The following HMGA2 variants were observed in gnomAD, a reference collection of about 807,000 sequenced individuals.
HMGA2 encodes high mobility group AT-hook 2, also known as high mobility group protein HMGI-C.
Under a neutral mutation model 19.1 loss-of-function variants are expected in HMGA2, and 8 were observed. The observed-to-expected ratio is 0.42, with a 90% CI of 0.25 to 0.76. The LOEUF (loss-of-function observed/expected upper bound fraction) is 0.76. Among genes scored for constraint, HMGA2 ranks in the 30% least tolerant of loss-of-function variants. HMGA2 has a pLI of 0.28. For synonymous variants in HMGA2, 60 were observed against 48.8 expected (o/e 1.23, Z -0.96); for missense variants, 109 against 136.3 (o/e 0.80, Z 1.00).
chr12:65,963,498 C>A lies in HMGA2; in HGVS notation c.*206C>A, dbSNP rs897527374. 3.4e-6 allele frequency: 2 copies of A among 588,856 alleles called. No homozygotes were observed. Among genetic ancestry groups the A allele is most frequent in the African/African-American group, 3.7e-5 (2 of 53,556 alleles). 36.5% of individuals were successfully genotyped at this position (588,856 alleles called of 1,614,324 possible). A position where few individuals can be genotyped will look rare whatever the true frequency, so the allele number is the denominator to read the frequency against. On this transcript the variant is annotated 3_prime_UTR_variant, in exon 5 of 5. Transcript: ENST00000403681. Reference sequence around the variant, plus strand: ...ATATTAATCACCTTCTTTGTAATCCCTTCACAGTCCCAGGTTTAGTGAAAA... The same window carrying A: ...ATATTAATCACCTTCTTTGTAATCCATTCACAGTCCCAGGTTTAGTGAAAA...
At chr12:65,839,612 A>G (rs1870905912) in intron 3 of HMGA2, among the ~76,000 whole-genome samples, 1 of 152,062 alleles carries the variant, frequency 6.6e-6, no homozygotes, top group Admixed American at 6.6e-5. Context: ...CCTCTGCTCA[A>G]CATGTGTTGG....
At chr12:65,869,147 C>T (rs1408995768) in intron 3 of HMGA2, among the ~76,000 whole-genome samples, 1 of 152,064 alleles carries the variant, frequency 6.6e-6, no homozygotes, top group Admixed American at 6.6e-5. Context: ...CTCATTGATT[C>T]CTTTTTTTGG....
chr12:65,950,872 T>G (rs1592464857), intron 3 of HMGA2, among the ~76,000 whole-genome samples: 2 of 152,354 alleles, frequency 1.3e-5, no homozygotes, highest in East Asian at 3.9e-4. Context: ...GGAATTGGAA[T>G]TGTTTTCACT....
intron 3 of HMGA2, among the ~76,000 whole-genome samples, chr12:65,939,064 A>G (rs1279574581): frequency 1.3e-5 from 2 of 152,206 alleles, no homozygotes; most frequent in Admixed American, 6.5e-5. Flanking sequence ...GACTTCTTCC[A>G]GGCAATGAGA....
intron 3 of HMGA2, among the ~76,000 whole-genome samples, chr12:65,922,055 C>CTG (rs1445984015): frequency 6.6e-6 from 1 of 152,216 alleles, no homozygotes; most frequent in Non-Finnish European, 1.5e-5. Context: ...CAGAAGTTTG[C>CTG]TGCAGGGGAA....
intron 3 of HMGA2, among the ~76,000 whole-genome samples, chr12:65,915,771 A>T (rs1875076942): frequency 6.6e-6 from 1 of 152,218 alleles, no homozygotes; most frequent in South Asian, 2.1e-4. Flanking sequence ...AATTTTGGAC[A>T]TTTGGGTATT....
At chr12:65,899,082 A>G (rs562037021) in intron 3 of HMGA2, among the ~76,000 whole-genome samples, 1 of 150,180 alleles carries the variant, frequency 6.7e-6, no homozygotes, top group Admixed American at 6.6e-5. Context: ...AGATGAGGAA[A>G]CTGGGGCTTA....
intron 3 of HMGA2, chr12:65,842,295 G>A: frequency 1.7e-6 from 1 of 589,528 alleles, no homozygotes; most frequent in South Asian, 1.5e-5. Flanking sequence ...ATGAGATAAT[G>A]CATGCAAAGG....
intron 4 of HMGA2, among the ~76,000 whole-genome samples, chr12:65,961,838 G>A (rs1214178597): frequency 6.6e-6 from 1 of 151,770 alleles, no homozygotes; most frequent in Non-Finnish European, 1.5e-5. Flanking sequence ...CTGCTTTTAC[G>A]CAAAAGCATC....
intron 3 of HMGA2, chr12:65,881,331 C>G (rs1040282559): frequency 3.2e-5 from 6 of 189,380 alleles, no homozygotes; most frequent in Non-Finnish European, 6.7e-5. Context: ...TTTGACAGCT[C>G]GGCTGTTTGT....
At chr12:65,845,944 C>G (rs76037682) in intron 3 of HMGA2, among the ~76,000 whole-genome samples, 1,802 of 152,334 alleles carry the variant, frequency 0.012, 37 homozygotes, top group African/African-American at 0.041. Context: ...TCTCCTCCCC[C>G]CTGCTGCCTG....
intron 3 of HMGA2, chr12:65,866,834 C>T (rs1413417368): frequency 2.2e-6 from 1 of 457,130 alleles, no homozygotes; most frequent in Non-Finnish European, 4.4e-6. Flanking sequence ...ACCAAGATTG[C>T]TTGCCATTGC....
intron 3 of HMGA2, chr12:65,866,786 A>G (rs1407650459): frequency 4.4e-6 from 2 of 455,214 alleles, no homozygotes; most frequent in South Asian, 1.6e-5. Flanking sequence ...TTTAAAAAAA[A>G]AAATCACTAA....
At chr12:65,954,913 A>G (rs530045890) in intron 4 of HMGA2, 1 of 152,348 alleles carries the variant, frequency 6.6e-6, no homozygotes, top group Non-Finnish European at 1.5e-5. Flanking sequence ...TTACAAATAA[A>G]TAGAAATGAG....
chr12:65,914,614 G>A (rs1385788749), intron 3 of HMGA2: 5 of 278,304 alleles, frequency 1.8e-5, no homozygotes, highest in Non-Finnish European at 3.5e-5. Context: ...TGCACAATGT[G>A]CACATGTACC....
chr12:65,894,841 G>T (rs1565724594), intron 3 of HMGA2, among the ~76,000 whole-genome samples: 1 of 152,098 alleles, frequency 6.6e-6, no homozygotes, highest in African/African-American at 2.4e-5. Flanking sequence ...CCACAATTAT[G>T]TATGCTCAAT....
At chr12:65,894,117 C>T (rs767841933) in intron 3 of HMGA2, among the ~76,000 whole-genome samples, 2 of 152,088 alleles carry the variant, frequency 1.3e-5, no homozygotes, top group African/African-American at 2.4e-5. Context: ...GGTTGTATGC[C>T]TCTGGTGTTT....
At chr12:65,947,485 G>A (rs1399754382) in intron 3 of HMGA2, among the ~76,000 whole-genome samples, 1 of 152,114 alleles carries the variant, frequency 6.6e-6, no homozygotes, top group Non-Finnish European at 1.5e-5. Context: ...TTGATGTTTT[G>A]TTCTGGGAGG....
At chr12:65,877,090 ACATTCTTGCTTG>A (rs1873080966) in intron 3 of HMGA2, 1 of 152,262 alleles carries the variant, frequency 6.6e-6, no homozygotes. Context: ...ACACCTTGTC[ACATTCTTGCTTG>A]GGCTTGAGGA....
Sources: gnomAD v4.1 joint callset for allele counts (sites outside exome capture counted in the v4.1 genomes callset) on GRCh38, gnomAD v4.1.1 for gene constraint, MANE v1.5 for transcripts, NCBI Gene and HGNC (gene_info 2026-07-23, HGNC 2026-07-21) for gene names.